The following PTPN9 variants were observed in gnomAD, a reference collection of about 807,000 sequenced individuals.
PTPN9 encodes the protein tyrosine-protein phosphatase non-receptor type 9.
In PTPN9, 26 loss-of-function variants were observed where a neutral mutation model predicts 69.8. That is an observed-to-expected ratio of 0.37 (90% CI 0.27 to 0.52). The LOEUF (loss-of-function observed/expected upper bound fraction) is 0.52. PTPN9 is among the 20% of genes least tolerant of loss of function. PTPN9 has a pLI of 0.91. For synonymous variants in PTPN9, 274 were observed against 272.5 expected (o/e 1.01, Z -0.05); for missense variants, 549 against 740.3 (o/e 0.74, Z 3.00).
rs914445021 is a variant in PTPN9, at chr15:75,485,292, A to G, written c.1062+4916T>C. The stretch of plus-strand genomic sequence containing the variant: ...ACAAAAGATTTACCTAGTATATGCC[A>G]GTCAGCATTAGTAAGAACATAAGGA... On this transcript the variant is annotated intron_variant, in intron 8 of 12. Coordinates refer to ENST00000618819, the MANE Select transcript of PTPN9 (RefSeq NM_002833.4). 5.9e-5 allele frequency among the ~76,000 whole-genome samples: 9 copies of G among 151,904 alleles called. No individual in the cohort carries two copies. The East Asian group carries it at 9.6e-4, about 16-fold the overall frequency.
At position 75,473,901 on chromosome 15, in the gene PTPN9, C is replaced by G. The variant is rs951881865; in HGVS notation, c.1130-134G>C. ...GCTCCCTGCTCATCTTTCCACATCC[C>G]TGCTATTCAGTATAGTCCGTGGACC... is the stretch of plus-strand genomic sequence containing the variant. On this transcript the variant is annotated intron_variant, in intron 9 of 12. Coordinates refer to ENST00000618819, the MANE Select transcript of PTPN9 (RefSeq NM_002833.4). 5 of 679,192 alleles carry G rather than the reference C, an allele frequency of 7.4e-6. No individual in the cohort carries two copies. In the African/African-American group the frequency reaches 9.0e-5, roughly 12 times the overall value. 42.1% of individuals were successfully genotyped at this position (679,192 alleles called of 1,614,324 possible).
intron 9 of PTPN9, among the ~76,000 whole-genome samples, chr15:75,477,505 G>T (rs1204925739): frequency 6.6e-6 from 1 of 152,192 alleles, no homozygotes; most frequent in Non-Finnish European, 1.5e-5. Context: ...TGAGGCAGGA[G>T]ACTCGCTTGA....
rs1000147525 is a variant in PTPN9, at chr15:75,527,341, T to C, written c.64-80A>G. The C allele has an allele frequency of 9.3e-6, 14 of 1,502,180 alleles. No homozygotes were observed. The African/African-American group carries it at 1.1e-4, about 12-fold the overall frequency. 93.1% of individuals were successfully genotyped at this position (1,502,180 alleles called of 1,614,324 possible). On this transcript the variant is annotated intron_variant, in intron 1 of 12. Transcript: ENST00000618819. ...TCAAAAAACAAACAAGTGAAAACTATCATCCCTTCTCCAAGCAAGTCTGAA... is the reference window on the plus strand; with the variant it reads ...TCAAAAAACAAACAAGTGAAAACTACCATCCCTTCTCCAAGCAAGTCTGAA...
intron 1 of PTPN9, among the ~76,000 whole-genome samples, chr15:75,566,913 CT>C (rs2075128822): frequency 6.6e-6 from 1 of 152,088 alleles, no homozygotes; most frequent in African/African-American, 2.4e-5. Context: ...TCGCTTGAGC[CT>C]GGGAGGTCAA....
At chr15:75,545,704 C>T (rs1404050412) in intron 1 of PTPN9, among the ~76,000 whole-genome samples, 4 of 152,122 alleles carry the variant, frequency 2.6e-5, no homozygotes, top group Non-Finnish European at 5.9e-5. Flanking sequence ...CTTTGGGAGG[C>T]GGAGGCAGGT....
At chr15:75,482,249 C>G (rs147590795) in intron 8 of PTPN9, among the ~76,000 whole-genome samples, 1 of 152,012 alleles carries the variant, frequency 6.6e-6, no homozygotes, top group Non-Finnish European at 1.5e-5. Context: ...TAAACAGATG[C>G]TTGAAGGCAG....
At position 75,540,559 on chromosome 15, in the gene PTPN9, A is replaced by AG. The variant is rs1446721016; in HGVS notation, c.64-13299_64-13298insC. On this transcript the variant is annotated intron_variant, in intron 1 of 12. Transcript: ENST00000618819. Reference sequence around the variant, plus strand: ...CTCTGTCTCTAAAAAAAAAAAAAAAAAAAGAAAGAAAGAAAGAAAGAAAGA... The same window carrying AG: ...CTCTGTCTCTAAAAAAAAAAAAAAAAGAAAGAAAGAAAGAAAGAAAGAAAGA... Among the ~76,000 whole-genome samples, 55 of 106,728 alleles carry AG rather than the reference A, an allele frequency of 5.2e-4. No homozygotes were observed. In the East Asian group the frequency reaches 0.01, roughly 20 times the overall value. The allele number at this position is 106,728 out of a possible 152,430, so 70.0% of individuals were successfully genotyped here.
intron 1 of PTPN9, among the ~76,000 whole-genome samples, chr15:75,554,011 T>C (rs1477836250): frequency 6.7e-6 from 1 of 149,824 alleles, no homozygotes; most frequent in Non-Finnish European, 1.5e-5. Flanking sequence ...CTTTCTTTTT[T>C]TTTTTTTTTT....
chr15:75,557,317 T>C (rs1330553418), intron 1 of PTPN9, among the ~76,000 whole-genome samples: 1 of 151,726 alleles, frequency 6.6e-6, no homozygotes, highest in African/African-American at 2.4e-5. Context: ...CCCAGCTACT[T>C]GGGAGTCTGA....
At chr15:75,514,896 A>G (rs1238170595) in intron 5 of PTPN9, among the ~76,000 whole-genome samples, 3 of 152,210 alleles carry the variant, frequency 2.0e-5, no homozygotes, top group Non-Finnish European at 4.4e-5. Context: ...GAAGTCTGAC[A>G]TTAGTAAGTG....
chr15:75,502,320 G>C (rs567971251), intron 7 of PTPN9, among the ~76,000 whole-genome samples: 3 of 151,892 alleles, frequency 2.0e-5, no homozygotes, highest in Admixed American at 6.6e-5. Context: ...GGTGGTGCGC[G>C]CCTATAATTC....
chr15:75,518,121 C>G lies in PTPN9; in HGVS notation c.423-757G>C, dbSNP rs1270886543. 3.3e-5 allele frequency among the ~76,000 whole-genome samples: 5 copies of G among 152,142 alleles called. No individual in the cohort carries two copies. The East Asian group carries it at 9.6e-4, about 29-fold the overall frequency. ...ACATAGTGGTTCATGACTGTAGTCT[C>G]AGTACTTTGGGAGGCTAAGGATGGT... is the stretch of plus-strand genomic sequence containing the variant. On this transcript the variant is annotated intron_variant, in intron 4 of 12. Transcript: ENST00000618819.
intron 10 of PTPN9, among the ~76,000 whole-genome samples, chr15:75,472,381 C>A (rs913249602): frequency 6.6e-6 from 1 of 151,980 alleles, no homozygotes; most frequent in Non-Finnish European, 1.5e-5. Flanking sequence ...ATGGCGTGAA[C>A]CCCGGTGGGG....
intron 2 of PTPN9, 70 bp downstream of exon 2, chr15:75,527,048 G>A (rs1036100576): frequency 2.2e-5 from 34 of 1,566,114 alleles, no homozygotes; most frequent in Middle Eastern, 1.7e-4. Context: ...TGTGTGTGTC[G>A]AGCATGACAG....
At position 75,506,008 on chromosome 15, in the gene PTPN9, AAGGTT is replaced by A. The variant is rs1210932192; in HGVS notation, c.640-10_640-6del. On this transcript the variant is annotated splice_region_variant and splice_polypyrimidine_tract_variant and intron_variant, in intron 6 of 12. Coordinates refer to ENST00000618819, the MANE Select transcript of PTPN9 (RefSeq NM_002833.4). ...AGATGTCTTTAATATTTGAATCTGG[AAGGTT>A]AGAAAGAACCATGTGAGTATGTGGG... 6.3e-7 allele frequency: 1 copy of A among 1,596,944 alleles called. No individual in the cohort carries two copies. Among genetic ancestry groups the A allele is most frequent in the Admixed American group, 1.7e-5 (1 of 59,672 alleles).
At chr15:75,540,362 G>A (rs1269331253) in intron 1 of PTPN9, among the ~76,000 whole-genome samples, 1 of 152,050 alleles carries the variant, frequency 6.6e-6, no homozygotes, top group Admixed American at 6.6e-5. Context: ...AGACCAGCCT[G>A]GCCAACATGG....
At chr15:75,561,094 T>C (rs1169526220) in intron 1 of PTPN9, among the ~76,000 whole-genome samples, 1 of 149,994 alleles carries the variant, frequency 6.7e-6, no homozygotes, top group East Asian at 2.0e-4. Flanking sequence ...GGCAAGTGGA[T>C]CACTTGAGGT....
At chr15:75,514,870 T>C (rs978129962) in intron 5 of PTPN9, among the ~76,000 whole-genome samples, 1 of 152,044 alleles carries the variant, frequency 6.6e-6, no homozygotes, top group Non-Finnish European at 1.5e-5. Context: ...ATCCATTTGA[T>C]TGGGAAAAAA....
At chr15:75,510,060 G>A (rs117591330) in intron 5 of PTPN9, among the ~76,000 whole-genome samples, 1,951 of 152,180 alleles carry the variant, frequency 0.013, 152 homozygotes, top group Admixed American at 0.11. Flanking sequence ...TCAGTCTGAT[G>A]TATGCATAAT....
Sources: gnomAD v4.1 joint callset for allele counts (sites outside exome capture counted in the v4.1 genomes callset) on GRCh38, gnomAD v4.1.1 for gene constraint, MANE v1.5 for transcripts, NCBI Gene and HGNC (gene_info 2026-07-23, HGNC 2026-07-21) for gene names.